Variants in BAZ1A observed in about 807,000 individuals in gnomAD.
BAZ1A encodes bromodomain adjacent to zinc finger domain protein 1A.
A neutral mutation model predicts 185.2 loss-of-function variants in BAZ1A; 50 were observed. That is an observed-to-expected ratio of 0.27 (90% CI 0.22 to 0.34). The LOEUF is 0.34. BAZ1A is among the 10% of genes least tolerant of loss of function. The pLI is 1.00. For missense variants in BAZ1A, 1,356 were observed against 1,839.9 expected (o/e 0.74, Z 4.81); for synonymous variants, 571 against 615.6 (o/e 0.93, Z 1.07).
At position 34,758,762 on chromosome 14, in the gene BAZ1A, A is replaced by G. The variant is rs1243940896; in HGVS notation, c.4328T>C (p.Val1443Ala). The G allele has an allele frequency of 6.2e-7, 1 of 1,614,220 alleles. No homozygotes were observed. Among genetic ancestry groups the G allele is most frequent in the South Asian group, 1.1e-5 (1 of 91,084 alleles). ...HELSAFEQLV[V>A]ELVRHDDSWP... ...GCTGTCATCATGTCGTACCAATTCT[A>G]CAACAAGTTGTTCAAAAGCAGACAA... Residue 1443 changes from valine to alanine, a missense_variant, in exon 25 of 27, where the codon GTA becomes GCA. Around this residue, in one of 7 missense-constraint regions of BAZ1A, gnomAD observed 309 missense variants for 355.3 expected, o/e 0.87. Transcript: ENST00000360310.
At chr14:34,784,730 G>C (rs111418762) in intron 14 of BAZ1A, among the ~76,000 whole-genome samples, 166 of 151,854 alleles carry the variant, frequency 1.1e-3, no homozygotes, top group African/African-American at 3.6e-3. Flanking sequence ...GTGTTAGCCA[G>C]GGTGGTCTCG....
At chr14:34,760,807 G>A (rs144151095) in intron 24 of BAZ1A, among the ~76,000 whole-genome samples, 14 of 152,086 alleles carry the variant, frequency 9.2e-5, no homozygotes, top group Non-Finnish European at 1.9e-4. Context: ...AGCTCAGATT[G>A]CGCCACTGCA....
intron 23 of BAZ1A, among the ~76,000 whole-genome samples, chr14:34,762,675 G>T (rs1886574537): frequency 1.3e-5 from 2 of 151,940 alleles, no homozygotes; most frequent in Non-Finnish European, 2.9e-5. Flanking sequence ...TTGCTATGTT[G>T]CCCAGGCTGG....
intron 10 of BAZ1A, among the ~76,000 whole-genome samples, 158 bp from the exon 11 acceptor site, chr14:34,795,045 A>G (rs1405390418): frequency 1.3e-5 from 2 of 152,236 alleles, no homozygotes; most frequent in Admixed American, 6.5e-5. Context: ...TGAAACTTCT[A>G]AAATTATAGA....
chr14:34,794,344 G>T (rs1403786063), intron 11 of BAZ1A, among the ~76,000 whole-genome samples: 1 of 152,152 alleles, frequency 6.6e-6, no homozygotes, highest in East Asian at 1.9e-4. Flanking sequence ...TAACCTGTCT[G>T]CAAACACCCA....
At chr14:34,862,408 T>C in intron 2 of BAZ1A, 86 bp from the exon 3 acceptor site, 1 of 1,467,810 alleles carries the variant, frequency 6.8e-7, no homozygotes, top group East Asian at 2.3e-5. Context: ...ATTATCAGGT[T>C]ATTTTTGTGC....
At chr14:34,816,750 GA>G in intron 4 of BAZ1A, 1 of 381,052 alleles carries the variant, frequency 2.6e-6, no homozygotes, top group South Asian at 1.9e-5. Flanking sequence ...AAATCAGATG[GA>G]AAACTAGTGA....
chr14:34,800,075 C>A, intron 9 of BAZ1A, 149 bp downstream of exon 9: 1 of 787,982 alleles, frequency 1.3e-6, no homozygotes. Flanking sequence ...TTTTCCAAAG[C>A]AAAAGGGAGA....
chr14:34,835,754 C>A (rs1037681073), intron 3 of BAZ1A, among the ~76,000 whole-genome samples: 1 of 151,274 alleles, frequency 6.6e-6, no homozygotes, highest in African/African-American at 2.4e-5. Context: ...TCACTGCAAC[C>A]TCTGCCTCCC....
chr14:34,797,168 G>A (rs1881240016), intron 9 of BAZ1A, among the ~76,000 whole-genome samples: 1 of 152,138 alleles, frequency 6.6e-6, no homozygotes, highest in South Asian at 2.1e-4. Context: ...GAATGTTTAT[G>A]ATCATGTTAG....
At chr14:34,808,776 A>AC (rs554476491) in intron 5 of BAZ1A, among the ~76,000 whole-genome samples, 2 of 152,140 alleles carry the variant, frequency 1.3e-5, no homozygotes, top group Non-Finnish European at 2.9e-5. Flanking sequence ...AAACACCACC[A>AC]CAAACAAAAC....
intron 9 of BAZ1A, among the ~76,000 whole-genome samples, chr14:34,799,685 C>T (rs191855586): frequency 1.3e-5 from 2 of 151,910 alleles, no homozygotes; most frequent in African/African-American, 4.8e-5. Context: ...GATCTTGGCT[C>T]ACTGTAACCT....
intron 2 of BAZ1A, among the ~76,000 whole-genome samples, chr14:34,872,677 A>C (rs2138848676): frequency 6.6e-6 from 1 of 152,218 alleles, no homozygotes; most frequent in Non-Finnish European, 1.5e-5. Context: ...AGCAATTCAG[A>C]TTTCTCCATG....
At chr14:34,753,959 A>G (rs1160231293) in intron 26 of BAZ1A, among the ~76,000 whole-genome samples, 2 of 151,382 alleles carry the variant, frequency 1.3e-5, no homozygotes. Flanking sequence ...CTCTACAAAA[A>G]ATACAAAAAT....
At chr14:34,820,122 G>GTTTTTTTTT (rs59706713) in intron 4 of BAZ1A, among the ~76,000 whole-genome samples, 4 of 80,644 alleles carry the variant, frequency 5.0e-5, no homozygotes, top group South Asian at 4.4e-4. Context: ...TGGGTTCCTC[G>GTTTTTTTTT]TTTTTTTTTT....
intron 21 of BAZ1A, among the ~76,000 whole-genome samples, chr14:34,766,498 T>C (rs557867423): frequency 9.9e-5 from 15 of 151,992 alleles, no homozygotes; most frequent in Non-Finnish European, 1.9e-4. Flanking sequence ...TCAGGGTGGT[T>C]AGTCCCTCTC....
At chr14:34,848,341 C>T (rs1056611983) in intron 3 of BAZ1A, among the ~76,000 whole-genome samples, 5 of 152,080 alleles carry the variant, frequency 3.3e-5, no homozygotes, top group Non-Finnish European at 7.3e-5. Flanking sequence ...TGTGGTGGCT[C>T]GTGCCTGTAA....
chr14:34,873,717 C>G (rs1056984325), intron 2 of BAZ1A, among the ~76,000 whole-genome samples: 3 of 152,218 alleles, frequency 2.0e-5, no homozygotes, highest in Non-Finnish European at 4.4e-5. Context: ...TTCCCCTTGC[C>G]CAGCCGCGAC....
intron 9 of BAZ1A, among the ~76,000 whole-genome samples, chr14:34,799,149 C>G (rs1024869123): frequency 1.4e-5 from 2 of 147,630 alleles, no homozygotes; most frequent in Non-Finnish European, 3.0e-5. Context: ...AAACCAAACA[C>G]CGCATGTTCT....
Sources: gnomAD v4.1 joint callset for allele counts (sites outside exome capture counted in the v4.1 genomes callset) on GRCh38, gnomAD v4.1.1 for gene constraint, gnomAD v4.1.1 regional missense constraint, MANE v1.5 for transcripts, NCBI Gene and HGNC (gene_info 2026-07-23, HGNC 2026-07-21) for gene names.